NTM: variants seen among roughly 807,000 people sequenced by gnomAD.
The protein encoded by NTM is neurotrimin, also known as IgLON family member 2.
Under a neutral mutation model 42.1 loss-of-function variants are expected in NTM, and 13 were observed. The observed-to-expected ratio is 0.31, with a 90% CI of 0.20 to 0.49. The LOEUF (loss-of-function observed/expected upper bound fraction) is 0.49, where lower values mean the gene tolerates loss of function less well. Among genes scored for constraint, NTM ranks in the 20% least tolerant of loss-of-function variants. The pLI, the probability that NTM is intolerant of heterozygous loss-of-function variation, is 0.99. For missense variants in NTM, 373 were observed against 452.8 expected (o/e 0.82, Z 1.60); for synonymous variants, 187 against 179.2 (o/e 1.04, Z -0.35).
intron 7 of NTM, chr11:132,315,117 CTGTGGGAATCATAAT>C (rs1438965762): frequency 1.0e-6 from 1 of 983,540 alleles, no homozygotes; most frequent in East Asian, 1.1e-4. Context: ...CCTAAGCTGA[CTGTGGGAATCATAAT>C]TGGGTAAAAT....
chr11:132,108,093 A>G (rs968550868), intron 2 of NTM, among the ~76,000 whole-genome samples: 1 of 152,172 alleles, frequency 6.6e-6, no homozygotes, highest in Admixed American at 6.5e-5. Context: ...TCACACCAAA[A>G]TGCCGCATAC....
intron 2 of NTM, among the ~76,000 whole-genome samples, chr11:132,130,173 G>A (rs961773467): frequency 1.3e-5 from 2 of 152,164 alleles, no homozygotes; most frequent in Non-Finnish European, 2.9e-5. Flanking sequence ...CCAGTAATAG[G>A]AAATCATCTT....
At chr11:131,787,172 G>A (rs1017309577) in intron 1 of NTM, among the ~76,000 whole-genome samples, 2 of 151,710 alleles carry the variant, frequency 1.3e-5, no homozygotes, top group African/African-American at 4.8e-5. Flanking sequence ...TTTTGATTCT[G>A]TTACAGTTTT....
intron 6 of NTM, among the ~76,000 whole-genome samples, chr11:132,311,541 G>A (rs2095280742): frequency 6.6e-6 from 1 of 152,038 alleles, no homozygotes; most frequent in Non-Finnish European, 1.5e-5. Context: ...TGATAAATAT[G>A]GTTTCCTTAC....
At chr11:131,450,794 A>G (rs1950421432) in intron 1 of NTM, among the ~76,000 whole-genome samples, 1 of 152,234 alleles carries the variant, frequency 6.6e-6, no homozygotes. Flanking sequence ...CTCTACCTCT[A>G]AATAATTAAA....
rs182816892 is a variant in NTM, at chr11:131,831,722, C to G, written c.83-79842C>G. Reference sequence around the variant, plus strand: ...GGGAAAAGTCTTCTGGATTTGTGTTCATGCTGTGACTTTTCTGTAAAAATC... The same window carrying G: ...GGGAAAAGTCTTCTGGATTTGTGTTGATGCTGTGACTTTTCTGTAAAAATC... On this transcript the variant is annotated intron_variant, in intron 1 of 8. Coordinates refer to ENST00000683400, the MANE Select transcript of NTM (RefSeq NM_001352005.2). 2.3e-3 allele frequency among the ~76,000 whole-genome samples: 348 copies of G among 152,180 alleles called. 1 individual carries two copies. Among genetic ancestry groups the G allele is most frequent in the African/African-American group, 8.0e-3 (332 of 41,532 alleles).
intron 1 of NTM, among the ~76,000 whole-genome samples, chr11:131,672,483 G>T (rs900400745): frequency 3.9e-5 from 6 of 152,186 alleles, no homozygotes; most frequent in Non-Finnish European, 2.9e-5. Flanking sequence ...CCGACAGCTG[G>T]AGTGCCTCAC....
At chr11:131,619,680 A>G (rs559211389) in intron 1 of NTM, among the ~76,000 whole-genome samples, 1 of 152,330 alleles carries the variant, frequency 6.6e-6, no homozygotes, top group South Asian at 2.1e-4. Flanking sequence ...CATGAAAAGG[A>G]GAGATAGAGC....
intron 1 of NTM, among the ~76,000 whole-genome samples, chr11:131,813,770 G>C (rs1317899739): frequency 6.6e-6 from 1 of 152,076 alleles, no homozygotes; most frequent in Non-Finnish European, 1.5e-5. Flanking sequence ...GATGCAATTG[G>C]CAGTATAACT....
intron 4 of NTM, among the ~76,000 whole-genome samples, chr11:132,270,421 G>C (rs756051937): frequency 6.6e-6 from 1 of 151,896 alleles, no homozygotes; most frequent in Non-Finnish European, 1.5e-5. Context: ...TAGAGACGGG[G>C]TTTCACCATG....
chr11:131,672,840 G>A (rs1317014833), intron 1 of NTM, among the ~76,000 whole-genome samples: 1 of 135,486 alleles, frequency 7.4e-6, no homozygotes, highest in Admixed American at 7.3e-5. Flanking sequence ...AGACCACGGT[G>A]CCGGGGTGGG....
intron 1 of NTM, among the ~76,000 whole-genome samples, chr11:131,629,677 C>T (rs79816700): frequency 2.4e-3 from 360 of 152,206 alleles, no homozygotes; most frequent in African/African-American, 8.5e-3. Flanking sequence ...AATTTCGAAA[C>T]GAGAGTATTT....
At chr11:131,442,035 A>G (rs993595818) in intron 1 of NTM, among the ~76,000 whole-genome samples, 11 of 152,254 alleles carry the variant, frequency 7.2e-5, no homozygotes, top group Non-Finnish European at 1.6e-4. Flanking sequence ...GTAAAAATTC[A>G]GAAGACTGTT....
chr11:131,509,972 G>T (rs899231426), intron 1 of NTM, among the ~76,000 whole-genome samples: 2 of 152,110 alleles, frequency 1.3e-5, no homozygotes, highest in African/African-American at 4.8e-5. Flanking sequence ...ATTAGAAAAG[G>T]CTTTCTGAAG....
At chr11:131,748,412 AGGAGCTT>A (rs2082083844) in intron 1 of NTM, among the ~76,000 whole-genome samples, 1 of 152,248 alleles carries the variant, frequency 6.6e-6, no homozygotes, top group Non-Finnish European at 1.5e-5. Context: ...GAAAGACATT[AGGAGCTT>A]GGTCTTGAAT....
At chr11:132,153,332 C>T (rs1591852083) in intron 3 of NTM, among the ~76,000 whole-genome samples, 1 of 152,320 alleles carries the variant, frequency 6.6e-6, no homozygotes, top group East Asian at 1.9e-4. Context: ...TGCCTTTAGA[C>T]TCCCATTCCC....
intron 3 of NTM, among the ~76,000 whole-genome samples, chr11:132,192,649 A>T (rs934624646): frequency 6.6e-5 from 10 of 152,208 alleles, no homozygotes; most frequent in African/African-American, 2.4e-4. Flanking sequence ...ATCCTCACAT[A>T]TCAATATTGA....
At chr11:131,789,846 C>T (rs1339275566) in intron 1 of NTM, among the ~76,000 whole-genome samples, 2 of 149,042 alleles carry the variant, frequency 1.3e-5, no homozygotes, top group Admixed American at 6.7e-5. Context: ...GTCCCAGCTA[C>T]ACGGGAGGCT....
chr11:132,143,130 A>G (rs2069549802), intron 2 of NTM, among the ~76,000 whole-genome samples: 1 of 152,080 alleles, frequency 6.6e-6, no homozygotes. Flanking sequence ...CTCTCCTGTA[A>G]CGTATCAGAA....
Sources: gnomAD v4.1 joint callset for allele counts (sites outside exome capture counted in the v4.1 genomes callset) on GRCh38, gnomAD v4.1.1 for gene constraint, MANE v1.5 for transcripts, NCBI Gene and HGNC (gene_info 2026-07-23, HGNC 2026-07-21) for gene names.